AK5: variants seen among roughly 807,000 people sequenced by gnomAD.
The protein encoded by AK5 is adenylate kinase isoenzyme 5.
AK5 carries 27 observed loss-of-function variants against 69.5 expected under a neutral mutation model. That is an observed-to-expected ratio of 0.39 (90% CI 0.29 to 0.54). AK5 has a LOEUF of 0.54. Ranked by LOEUF, AK5 falls within the 20% of genes least tolerant of loss-of-function variation. The probability of loss-of-function intolerance (pLI) is 0.71; values close to 1 mark genes in which losing one functional copy is unlikely to be tolerated. For synonymous variants in AK5, 260 were observed against 244.4 expected (o/e 1.06, Z -0.60); for missense variants, 531 against 700.4 (o/e 0.76, Z 2.73).
chr1:77,351,818 GA>G (rs2100413489), intron 6 of AK5, among the ~76,000 whole-genome samples: 1 of 152,064 alleles, frequency 6.6e-6, no homozygotes, highest in East Asian at 1.9e-4. Context: ...AGACAAAGGA[GA>G]AAGGAGCTGG....
intron 13 of AK5, among the ~76,000 whole-genome samples, chr1:77,540,158 ATT>A (rs1331864658): frequency 3.9e-5 from 6 of 152,198 alleles, no homozygotes; most frequent in Non-Finnish European, 8.8e-5. Flanking sequence ...AACAAAGATA[ATT>A]TTTAAAGCAA....
At chr1:77,358,189 T>G (rs1662648756) in intron 6 of AK5, among the ~76,000 whole-genome samples, 1 of 152,128 alleles carries the variant, frequency 6.6e-6, no homozygotes. Flanking sequence ...CTGTGCAGTG[T>G]TTTTCTATGA....
intron 6 of AK5, among the ~76,000 whole-genome samples, chr1:77,356,369 G>A (rs1173594114): frequency 6.6e-6 from 1 of 152,086 alleles, no homozygotes; most frequent in Non-Finnish European, 1.5e-5. Flanking sequence ...CCTGGATTTG[G>A]AAACATAAAG....
At chr1:77,335,383 G>GT (rs1661293246) in intron 5 of AK5, among the ~76,000 whole-genome samples, 2 of 49,768 alleles carry the variant, frequency 4.0e-5, no homozygotes, top group African/African-American at 4.8e-5. Flanking sequence ...CAGTTTTTTG[G>GT]GTTTTTTTTT....
chr1:77,535,603 C>T (rs1170563867), intron 12 of AK5, among the ~76,000 whole-genome samples: 1 of 152,136 alleles, frequency 6.6e-6, no homozygotes, highest in Non-Finnish European at 1.5e-5. Context: ...GGCATATACT[C>T]GTCTGCATCA....
chr1:77,470,152 G>C (rs893271025), intron 8 of AK5, among the ~76,000 whole-genome samples: 2 of 152,184 alleles, frequency 1.3e-5, no homozygotes, highest in Non-Finnish European at 2.9e-5. Context: ...GTGTTAGCAT[G>C]AGAATAATGA....
At chr1:77,405,620 G>T (rs17100530) in intron 6 of AK5, among the ~76,000 whole-genome samples, 13,873 of 152,224 alleles carry the variant, frequency 0.091, 859 homozygotes, top group African/African-American at 0.17. Context: ...TTCAGGGGCT[G>T]TGCTGCTCCC....
At chr1:77,525,594 C>T (rs1182921552) in intron 12 of AK5, among the ~76,000 whole-genome samples, 1 of 152,152 alleles carries the variant, frequency 6.6e-6, no homozygotes. Context: ...AGAACTCAGT[C>T]ATTACCACGA....
At chr1:77,512,819 G>A (rs1252773253) in intron 10 of AK5, among the ~76,000 whole-genome samples, 1 of 152,132 alleles carries the variant, frequency 6.6e-6, no homozygotes, top group African/African-American at 2.4e-5. Context: ...ATACACCATG[G>A]AATACTATGC....
chr1:77,497,734 C>T (rs1004191689), intron 10 of AK5, among the ~76,000 whole-genome samples: 6 of 152,052 alleles, frequency 3.9e-5, no homozygotes, highest in South Asian at 4.1e-4. Context: ...ACTACAGGCA[C>T]GCACCACCAC....
intron 6 of AK5, among the ~76,000 whole-genome samples, chr1:77,374,821 G>GA (rs536579604): frequency 0.21 from 27,991 of 130,966 alleles, 2,915 homozygotes; most frequent in Middle Eastern, 0.34. Context: ...CCCTGTCTCA[G>GA]AAAAAAAAAA....
intron 6 of AK5, among the ~76,000 whole-genome samples, chr1:77,408,984 G>A (rs558834154): frequency 6.6e-6 from 1 of 152,170 alleles, no homozygotes; most frequent in South Asian, 2.1e-4. Flanking sequence ...TTATCGTTTA[G>A]CTCCCACTTA....
intron 6 of AK5, among the ~76,000 whole-genome samples, chr1:77,403,843 G>A (rs1482683652): frequency 1.3e-5 from 2 of 152,162 alleles, no homozygotes; most frequent in Non-Finnish European, 2.9e-5. Flanking sequence ...GAAAGTCATT[G>A]GTAGCTTGAT....
intron 13 of AK5, among the ~76,000 whole-genome samples, chr1:77,538,548 G>C (rs1207710126): frequency 6.7e-6 from 1 of 149,530 alleles, no homozygotes; most frequent in African/African-American, 2.5e-5. Flanking sequence ...TACTCAGGAT[G>C]CTAAGGCAGA....
In AK5 at chr1:77,422,936, C is replaced by G. The variant is rs116351616; in HGVS notation, c.1059+5221C>G. On this transcript the variant is annotated intron_variant, in intron 8 of 13. Transcript: ENST00000354567. Reference sequence around the variant, plus strand: ...CAACCCCACTTAGAAGTACTGTTGGCTGGGTGCGGTGGCTCACGCCTGTAA... The same window carrying G: ...CAACCCCACTTAGAAGTACTGTTGGGTGGGTGCGGTGGCTCACGCCTGTAA... Among the ~76,000 whole-genome samples, 718 of 152,290 alleles carry G rather than the reference C, an allele frequency of 4.7e-3. 8 individuals carry two copies. The highest frequency in any genetic ancestry group is 0.016 in the African/African-American group (666 of 41,576).
chr1:77,417,547 T>C lies in AK5; in HGVS notation c.983-92T>C, dbSNP rs551125691. 9.3e-4 allele frequency: 714 copies of C among 766,990 alleles called. 2 individuals carry two copies. Among genetic ancestry groups the C allele is most frequent in the Non-Finnish European group, 1.4e-3 (627 of 439,848 alleles). The allele number at this position is 766,990 out of a possible 1,614,324, so 47.5% of individuals were successfully genotyped here. A position where few individuals can be genotyped will look rare whatever the true frequency, so the allele number is the denominator to read the frequency against. Reference sequence around the variant, plus strand: ...AAATGTTTGTGAATTTAATGTGATATAGGAAAATATGGAAACCTAGTGAGA... The same window carrying C: ...AAATGTTTGTGAATTTAATGTGATACAGGAAAATATGGAAACCTAGTGAGA... On this transcript the variant is annotated intron_variant, in intron 7 of 13. Coordinates refer to ENST00000354567, the MANE Select transcript of AK5 (RefSeq NM_174858.3).
At chr1:77,293,181 G>A (rs962820533) in intron 2 of AK5, among the ~76,000 whole-genome samples, 7 of 152,080 alleles carry the variant, frequency 4.6e-5, no homozygotes, top group East Asian at 1.9e-4. Context: ...CCTACTGACC[G>A]TGACAGTACC....
At chr1:77,547,524 G>C (rs1011128175) in intron 13 of AK5, among the ~76,000 whole-genome samples, 4 of 151,754 alleles carry the variant, frequency 2.6e-5, no homozygotes, top group African/African-American at 9.7e-5. Flanking sequence ...TGCCCGCCTC[G>C]GCCTCTCAAA....
intron 6 of AK5, 157 bp downstream of exon 6, chr1:77,340,725 C>T: frequency 4.3e-6 from 2 of 460,548 alleles, no homozygotes; most frequent in Non-Finnish European, 7.2e-6. Context: ...ACCTGATTTG[C>T]CTTTTTAAGC....
Sources: gnomAD v4.1 joint callset for allele counts (sites outside exome capture counted in the v4.1 genomes callset) on GRCh38, gnomAD v4.1.1 for gene constraint, MANE v1.5 for transcripts, NCBI Gene and HGNC (gene_info 2026-07-23, HGNC 2026-07-21) for gene names.